The following GMDS variants were observed in gnomAD, a reference collection of about 807,000 sequenced individuals.
The protein encoded by GMDS is GDP-mannose 4,6-dehydratase.
GMDS carries 20 observed loss-of-function variants against 49.9 expected under a neutral mutation model. That is an observed-to-expected ratio of 0.40 (90% CI 0.28 to 0.58). The LOEUF (loss-of-function observed/expected upper bound fraction) is 0.58, where lower values mean the gene tolerates loss of function less well. GMDS is among the 20% of genes least tolerant of loss of function. The pLI is 0.42. For missense variants in GMDS, 362 were observed against 481.4 expected (o/e 0.75, Z 2.32); for synonymous variants, 177 against 178.6 (o/e 0.99, Z 0.07).
intron 4 of GMDS, among the ~76,000 whole-genome samples, chr6:2,067,938 C>T (rs1203696471): frequency 1.1e-4 from 17 of 151,456 alleles, no homozygotes; most frequent in Non-Finnish European, 2.1e-4. Flanking sequence ...ATCCTGATAC[C>T]AAAGCCGGGC....
intron 1 of GMDS, among the ~76,000 whole-genome samples, chr6:2,198,943 T>C (rs1779391076): frequency 6.6e-6 from 1 of 152,220 alleles, no homozygotes; most frequent in Non-Finnish European, 1.5e-5. Flanking sequence ...GGCTTGGTAA[T>C]GGCTTACAGC....
intron 4 of GMDS, among the ~76,000 whole-genome samples, chr6:2,055,519 A>G (rs1481435125): frequency 4.6e-5 from 7 of 152,142 alleles, no homozygotes; most frequent in African/African-American, 1.4e-4. Context: ...TGGTATTTGT[A>G]CAGTCCAGAA....
chr6:2,190,054 G>T (rs1327212296), intron 1 of GMDS, among the ~76,000 whole-genome samples: 1 of 152,134 alleles, frequency 6.6e-6, no homozygotes, highest in Non-Finnish European at 1.5e-5. Context: ...CCATCAAGGT[G>T]AGATCATTAA....
chr6:2,159,525 T>C (rs2127544105), intron 1 of GMDS, among the ~76,000 whole-genome samples: 1 of 143,044 alleles, frequency 7.0e-6, no homozygotes, highest in South Asian at 2.3e-4. Flanking sequence ...TTTTTTTTTT[T>C]TTTTTTTTTT....
At chr6:1,823,141 T>C (rs1260509626) in intron 7 of GMDS, among the ~76,000 whole-genome samples, 1 of 152,212 alleles carries the variant, frequency 6.6e-6, no homozygotes, top group Non-Finnish European at 1.5e-5. Flanking sequence ...AACTCATTTG[T>C]AAAATGAAAC....
intron 9 of GMDS, among the ~76,000 whole-genome samples, chr6:1,626,888 C>T (rs1762863040): frequency 6.6e-6 from 1 of 152,238 alleles, no homozygotes; most frequent in Non-Finnish European, 1.5e-5. Flanking sequence ...AGAAACAGAC[C>T]TTGCTACCAT....
intron 7 of GMDS, among the ~76,000 whole-genome samples, chr6:1,864,704 T>G (rs1337008218): frequency 1.3e-5 from 2 of 152,140 alleles, no homozygotes. Flanking sequence ...ACCAGACCTG[T>G]CAGTGCACCG....
rs1222391114 is a variant in GMDS, at chr6:1,785,852, C to T, written c.772-43266G>A. Among the ~76,000 whole-genome samples, 3 of 152,344 alleles carry T rather than the reference C, an allele frequency of 2.0e-5. No homozygotes were observed. In the South Asian group the frequency reaches 6.2e-4, roughly 32 times the overall value. On this transcript the variant is annotated intron_variant, in intron 7 of 10. Coordinates refer to ENST00000380815, the MANE Select transcript of GMDS (RefSeq NM_001500.4). ...GCTTCAGCAGTGCTCATTTTCTGCG[C>T]ACCATTCAGCACCCTCTTACTCCCA... is the stretch of plus-strand genomic sequence containing the variant.
At chr6:2,082,603 G>GA (rs1245065725) in intron 4 of GMDS, among the ~76,000 whole-genome samples, 3 of 152,152 alleles carry the variant, frequency 2.0e-5, no homozygotes, top group Non-Finnish European at 2.9e-5. Flanking sequence ...TCCTAACACT[G>GA]AAAGAGCTGT....
At chr6:1,630,174 G>T (rs1294704750) in intron 9 of GMDS, among the ~76,000 whole-genome samples, 2 of 152,228 alleles carry the variant, frequency 1.3e-5, no homozygotes. Flanking sequence ...TTATTTAGGA[G>T]AAATACAGGA....
chr6:1,974,562 T>C (rs1764789783), intron 4 of GMDS, among the ~76,000 whole-genome samples: 1 of 152,156 alleles, frequency 6.6e-6, no homozygotes, highest in Admixed American at 6.5e-5. Context: ...CAAACTGATG[T>C]TTGAGACAGG....
intron 8 of GMDS, among the ~76,000 whole-genome samples, chr6:1,738,617 AGCCTCATGTAATATGAGGCAAG>A (rs577761786): frequency 1.1e-3 from 162 of 152,364 alleles, no homozygotes; most frequent in African/African-American, 3.8e-3. Flanking sequence ...GATACGGTAC[AGCCTCATGTAATATGAGGCAAG>A]GACACAAAGC....
intron 7 of GMDS, among the ~76,000 whole-genome samples, chr6:1,868,922 CCTT>C (rs929127952): frequency 2.6e-5 from 4 of 152,128 alleles, no homozygotes; most frequent in Non-Finnish European, 4.4e-5. Flanking sequence ...TATCTACTCT[CCTT>C]CTAAAAATGA....
intron 4 of GMDS, among the ~76,000 whole-genome samples, chr6:2,096,760 C>T (rs926887703): frequency 7.2e-5 from 11 of 152,146 alleles, no homozygotes; most frequent in African/African-American, 2.7e-4. Flanking sequence ...AAGGGAGGTT[C>T]TCCATTCAAA....
intron 7 of GMDS, among the ~76,000 whole-genome samples, chr6:1,776,666 C>A (rs150400129): frequency 6.6e-6 from 1 of 152,228 alleles, no homozygotes; most frequent in Non-Finnish European, 1.5e-5. Context: ...GGCAACATAA[C>A]AAGACCTTGT....
intron 7 of GMDS, among the ~76,000 whole-genome samples, chr6:1,812,335 G>A (rs142979209): frequency 4.7e-4 from 71 of 152,212 alleles, no homozygotes; most frequent in African/African-American, 1.6e-3. Context: ...CGTGAGAAGG[G>A]GGATTTCAGT....
At chr6:1,841,220 A>C (rs1757139947) in intron 7 of GMDS, among the ~76,000 whole-genome samples, 1 of 152,224 alleles carries the variant, frequency 6.6e-6, no homozygotes, top group South Asian at 2.1e-4. Context: ...GCTAAAAATC[A>C]AATGAACTCT....
intron 9 of GMDS, among the ~76,000 whole-genome samples, chr6:1,692,522 C>T (rs1765209880): frequency 6.6e-6 from 1 of 152,172 alleles, no homozygotes; most frequent in Non-Finnish European, 1.5e-5. Context: ...TTTTTGGGGA[C>T]TCCAATTACA....
At chr6:2,219,064 T>C (rs940043472) in intron 1 of GMDS, among the ~76,000 whole-genome samples, 1 of 151,978 alleles carries the variant, frequency 6.6e-6, no homozygotes, top group Non-Finnish European at 1.5e-5. Context: ...ACCACTGTAC[T>C]CCAGCCTGGG....
Sources: allele counts gnomAD v4.1 joint callset (sites outside exome capture counted in the v4.1 genomes callset), GRCh38; gene constraint gnomAD v4.1.1; transcripts MANE v1.5; gene names NCBI Gene and HGNC (gene_info 2026-07-23, HGNC 2026-07-21).